Variants in ITSN2 observed in about 807,000 individuals in gnomAD.
ITSN2 encodes intersectin 2.
In ITSN2, 156 loss-of-function variants were observed where a neutral mutation model predicts 243.7. That is an observed-to-expected ratio of 0.64 (90% CI 0.56 to 0.73). The LOEUF (loss-of-function observed/expected upper bound fraction) is 0.73, where lower values mean the gene tolerates loss of function less well. Among genes scored for constraint, ITSN2 ranks in the 30% least tolerant of loss-of-function variants. The pLI is 0.00. For missense variants in ITSN2, 1,801 were observed against 1,996.1 expected, an observed-to-expected ratio of 0.90 and a Z score of 1.86; for synonymous variants, 703 against 699.9, an observed-to-expected ratio of 1.00 and a Z score of -0.07.
At position 24,248,637 on chromosome 2, in the gene ITSN2, C is replaced by G. The variant is rs1483377609; in HGVS notation, c.3280G>C (p.Glu1094Gln). ...KKNTSGWWQG[E>Q]LQARGKKRQK... ...TATTTAAAGAATATTACCTGTAACT[C>G]TCCTTGCCACCACCCACTTGTATTT... is the stretch of plus-strand genomic sequence containing the variant. The change falls in exon 27 of 40, where the codon GAG becomes CAG. Residue 1094 changes from glutamate (E) to glutamine (Q), a missense_variant. Around this residue, in one of 5 missense-constraint regions of ITSN2, gnomAD observed 928 missense variants for 1,065.4 expected, o/e 0.87. Transcript: ENST00000355123. 1 of 1,605,576 alleles carries G rather than the reference C, an allele frequency of 6.2e-7. No individual in the cohort carries two copies. Among genetic ancestry groups the G allele is most frequent in the South Asian group, 1.1e-5 (1 of 90,124 alleles).
At position 24,310,674 on chromosome 2, in the gene ITSN2, T is replaced by C. The variant is rs972748293; in HGVS notation, c.371A>G (p.Asn124Ser). The change falls in exon 6 of 40, where the codon AAT becomes AGT. Residue 124 changes from asparagine to serine, a missense_variant. Asn to Ser is a conservative substitution (Grantham distance 46). Coordinates refer to ENST00000355123, the MANE Select transcript of ITSN2 (RefSeq NM_006277.3). Reference sequence around the variant, plus strand: ...AGGCAATGGCTGAGGAATGGACAGATTGGGCATGCTTCCCATTCCTAAAGT... The same window carrying C: ...AGGCAATGGCTGAGGAATGGACAGACTGGGCATGCTTCCCATTCCTAAAGT... ...SARFGMGSMP[N>S]LSIPQPLPPA... 2.5e-6 allele frequency: 4 copies of C among 1,614,052 alleles called. No homozygotes were observed. The highest frequency in any genetic ancestry group is 1.1e-5 in the South Asian group (1 of 91,076).
Position 24,246,166 on chromosome 2 carries a change from G to T in ITSN2, c.3540C>A (p.Tyr1180Ter). 4 of 1,613,234 alleles carry T rather than the reference G, an allele frequency of 2.5e-6. No individual in the cohort carries two copies. The highest frequency in any genetic ancestry group is 3.4e-6 in the Non-Finnish European group (4 of 1,179,492). ...GATCTGAGTCTGTCGTCATCTTAAC[G>T]TAGTTTGAAGGAAAGAGACCAGTCA... ...NGVTGLFPSN[Y>*]VKMTTDSDPS... The change falls in exon 29 of 40, where the codon TAC (tyrosine) becomes TAA (stop). Residue 1180 changes from tyrosine to a stop codon, truncating the protein, a stop_gained. Coordinates refer to ENST00000355123, the MANE Select transcript of ITSN2 (RefSeq NM_006277.3). LOFTEE classifies it high-confidence loss of function.
At chr2:24,324,136 G>A (rs1047153462) in intron 2 of ITSN2, among the ~76,000 whole-genome samples, 1 of 152,158 alleles carries the variant, frequency 6.6e-6, no homozygotes, top group Non-Finnish European at 1.5e-5. Flanking sequence ...GGAGGCTGAG[G>A]CAGGAGAACG....
In ITSN2 at chr2:24,211,149, G is replaced by A. The variant is rs1389127530; in HGVS notation, c.4090-202C>T. Among the ~76,000 whole-genome samples the A allele has an allele frequency of 6.6e-6, 1 of 152,252 alleles. No homozygotes were observed. Among genetic ancestry groups the A allele is most frequent in the Non-Finnish European group, 1.5e-5 (1 of 68,046 alleles). ...TGGGGACACAGGGACAGGTAACGCT[G>A]CTGTGACAAGGTGACAGTGCTAAAC... is the stretch of plus-strand genomic sequence containing the variant. On this transcript the variant is annotated intron_variant, in intron 33 of 39. Coordinates refer to ENST00000355123, the MANE Select transcript of ITSN2 (RefSeq NM_006277.3). This position sits in a 1 kb window ranked among gnomAD's most constrained non-coding sequence, Gnocchi z 4.1.
In ITSN2 at chr2:24,310,474, A is replaced by G; in HGVS notation, c.556+15T>C. On this transcript the variant is annotated intron_variant, in intron 6 of 39. Coordinates refer to ENST00000355123, the MANE Select transcript of ITSN2 (RefSeq NM_006277.3). Reference sequence around the variant, plus strand: ...TTTACATGAAATAATGACTCTTTAGAAACAAAGTACTCACTTGAAGAAGAA... The same window carrying G: ...TTTACATGAAATAATGACTCTTTAGGAACAAAGTACTCACTTGAAGAAGAA... The G allele has an allele frequency of 6.2e-7, 1 of 1,612,694 alleles. No individual in the cohort carries two copies. The highest frequency in any genetic ancestry group is 8.5e-7 in the Non-Finnish European group (1 of 1,178,656).
At chr2:24,216,314 G>C (rs1265073748) in intron 31 of ITSN2, 82 bp from the exon 32 acceptor site, 1 of 1,144,730 alleles carries the variant, frequency 8.7e-7, no homozygotes, top group East Asian at 2.7e-5. Context: ...CAGACCAATG[G>C]TAATGATAAC....
chr2:24,315,081 A>C (rs766933210), intron 3 of ITSN2, 51 bp downstream of exon 3: 2 of 846,476 alleles, frequency 2.4e-6, no homozygotes, highest in Admixed American at 2.5e-5. Flanking sequence ...TAATTCTTAG[A>C]TATCACATAA....
chr2:24,248,487 T>C (rs889585685), intron 27 of ITSN2, 142 bp downstream of exon 27: 24 of 582,506 alleles, frequency 4.1e-5, no homozygotes, highest in Non-Finnish European at 5.7e-5. Flanking sequence ...AAAGGAAATA[T>C]AATGCAGTAA....
rs371636623 is a variant in ITSN2 at position 24,210,786 on chromosome 2, G to C, written c.4251C>G (p.Leu1417=). Residue 1417 remains leucine, a synonymous_variant, in exon 34 of 40, where the codon CTC becomes CTG. Coordinates refer to ENST00000355123, the MANE Select transcript of ITSN2 (RefSeq NM_006277.3). ...WIQAHVQCEG[L]AEQLIFNSLT... is the part of the protein sequence containing the mutation. The stretch of plus-strand genomic sequence containing the variant: ...TTAACCACACAGGCCTGACCTCCGC[G>C]AGGCCTTCACACTGCACGTGCGCCT... The C allele has an allele frequency of 2.5e-6, 4 of 1,613,702 alleles. No homozygotes were observed. The highest frequency in any genetic ancestry group is 3.4e-6 in the Non-Finnish European group (4 of 1,179,832).
upstream of ITSN2, among the ~76,000 whole-genome samples, chr2:24,360,903 C>G (rs1322188890): frequency 1.3e-5 from 2 of 152,232 alleles, no homozygotes; most frequent in African/African-American, 2.4e-5. Context: ...GTTGCACCCA[C>G]CACGGGGTTC....
chr2:24,207,953 T>C (rs140892899), intron 37 of ITSN2, among the ~76,000 whole-genome samples: 34 of 150,302 alleles, frequency 2.3e-4, no homozygotes, highest in African/African-American at 6.4e-4. Flanking sequence ...GTGAGGTGAG[T>C]CATGGAGAGA....
At chr2:24,207,321 G>A (rs980879887) in intron 37 of ITSN2, among the ~76,000 whole-genome samples, 4 of 152,080 alleles carry the variant, frequency 2.6e-5, no homozygotes, top group African/African-American at 9.7e-5. Context: ...CTGACCAGGT[G>A]TGAGGTGCCA....
At chr2:24,240,584 T>G (rs1458708762) in intron 29 of ITSN2, 3 of 152,230 alleles carry the variant, frequency 2.0e-5, no homozygotes, top group Non-Finnish European at 4.4e-5. Flanking sequence ...AAGTTATGAT[T>G]TAGGCAATGT....
intron 22 of ITSN2, among the ~76,000 whole-genome samples, chr2:24,260,051 G>A (rs1675608141): frequency 6.6e-6 from 1 of 152,090 alleles, no homozygotes; most frequent in Non-Finnish European, 1.5e-5. Flanking sequence ...CTCCCAAGTA[G>A]CTAGTACTAC....
chr2:24,229,921 C>T (rs1234115848), intron 29 of ITSN2, among the ~76,000 whole-genome samples: 1 of 152,136 alleles, frequency 6.6e-6, no homozygotes, highest in Non-Finnish European at 1.5e-5. Flanking sequence ...TCCTCCTCAA[C>T]TCTCCAGACT....
At position 24,330,670 on chromosome 2, in the gene ITSN2, A is replaced by C. The variant is rs974328075; in HGVS notation, c.-33-2555T>G. 11 of 723,070 alleles carry C rather than the reference A, an allele frequency of 1.5e-5. No homozygotes were observed. The African/African-American group carries it at 1.7e-4, about 11-fold the overall frequency. 44.8% of individuals were successfully genotyped at this position (723,070 alleles called of 1,614,324 possible). A position where few individuals can be genotyped will look rare whatever the true frequency, so the allele number is the denominator to read the frequency against. The stretch of plus-strand genomic sequence containing the variant: ...AAAGCTGAAAGTGCTGGAGATGCCA[A>C]GTGAAGTGTGTGTATTTTTTATAAC... On this transcript the variant is annotated intron_variant, in intron 1 of 39. Transcript: ENST00000355123.
intron 1 of ITSN2, among the ~76,000 whole-genome samples, chr2:24,337,378 T>G: frequency 8.1e-6 from 1 of 123,306 alleles, no homozygotes; most frequent in African/African-American, 2.9e-5. Context: ...TAAGACAGAG[T>G]CTCGCTCTAT....
intron 17 of ITSN2, 68 bp from the exon 18 acceptor site, chr2:24,275,917 G>A: frequency 5.3e-6 from 6 of 1,130,400 alleles, no homozygotes; most frequent in South Asian, 3.8e-5. Context: ...GTATTAATGT[G>A]GCATTTGCAT....
In ITSN2 at chr2:24,204,909, G is replaced by C. The variant is rs981554718; in HGVS notation, c.4762+305C>G. 5.3e-6 allele frequency: 2 copies of C among 374,418 alleles called. No individual in the cohort carries two copies. Among genetic ancestry groups the C allele is most frequent in the Admixed American group, 6.8e-5 (2 of 29,482 alleles). The allele number at this position is 374,418 out of a possible 1,614,324, so 23.2% of individuals were successfully genotyped here. ...GTGCTGTAATCCCAGCACTTTGGGA[G>C]GCCGAGGCGGGCAGATCACTTGAGG... is the stretch of plus-strand genomic sequence containing the variant. On this transcript the variant is annotated intron_variant, in intron 38 of 39. Transcript: ENST00000355123. The surrounding 1 kb of genome is among the most constrained non-coding windows in gnomAD (Gnocchi z 5.1).
Sources: allele counts gnomAD v4.1 joint callset (sites outside exome capture counted in the v4.1 genomes callset), GRCh38; gene constraint gnomAD v4.1.1; regional missense constraint gnomAD v4.1.1; non-coding constraint Gnocchi (gnomAD v3.1); transcripts MANE v1.5; gene names NCBI Gene and HGNC (gene_info 2026-07-23, HGNC 2026-07-21).